The following CERK variants were observed in gnomAD, a reference collection of about 807,000 sequenced individuals.
CERK encodes the protein ceramide kinase.
Under a neutral mutation model 63.4 loss-of-function variants are expected in CERK, and 39 were observed. The observed-to-expected ratio is 0.61, with a 90% CI of 0.48 to 0.80. The LOEUF (loss-of-function observed/expected upper bound fraction) is 0.80. CERK is among the 30% of genes least tolerant of loss of function. The probability of loss-of-function intolerance (pLI) is 0.00; values close to 1 mark genes in which losing one functional copy is unlikely to be tolerated. For synonymous variants in CERK, 302 were observed against 280.0 expected, an observed-to-expected ratio of 1.08 and a Z score of -0.78; for missense variants, 670 against 714.1, an observed-to-expected ratio of 0.94 and a Z score of 0.70.
At chr22:46,719,277 T>C (rs2082880940) in intron 3 of CERK, among the ~76,000 whole-genome samples, 1 of 152,084 alleles carries the variant, frequency 6.6e-6, no homozygotes, top group South Asian at 2.1e-4. Flanking sequence ...ACAGATTATG[T>C]CTCTAGCCAT....
rs552274038 is a variant in CERK at position 46,688,625 on chromosome 22, G to A, written c.1541+1367C>T. Among the ~76,000 whole-genome samples, 589 of 152,372 alleles carry A rather than the reference G, an allele frequency of 3.9e-3. 2 individuals are homozygous for A. Among genetic ancestry groups the A allele is most frequent in the Non-Finnish European group, 6.6e-3 (446 of 68,030 alleles). ...AGCTTTCTTAGAGCCGCAGCTGGCTGGCTGAGGAGTCACTGAAAGTGGGGC... is the reference window on the plus strand; with the variant it reads ...AGCTTTCTTAGAGCCGCAGCTGGCTAGCTGAGGAGTCACTGAAAGTGGGGC... On this transcript the variant is annotated intron_variant, in intron 12 of 12. Coordinates refer to ENST00000216264, the MANE Select transcript of CERK (RefSeq NM_022766.6).
chr22:46,699,000 T>C (rs544808217), intron 8 of CERK, among the ~76,000 whole-genome samples: 1 of 152,302 alleles, frequency 6.6e-6, no homozygotes, highest in Non-Finnish European at 1.5e-5. Flanking sequence ...GCCTACCAGA[T>C]GTGAGAGGCT....
At chr22:46,705,827 G>C (rs1350137981) in intron 6 of CERK, among the ~76,000 whole-genome samples, 1 of 151,912 alleles carries the variant, frequency 6.6e-6, no homozygotes, top group Non-Finnish European at 1.5e-5. Context: ...GAGTCCAGGA[G>C]TTTGAGACCA....
chr22:46,689,877 A>T, intron 12 of CERK, 115 bp downstream of exon 12: 1 of 657,986 alleles, frequency 1.5e-6, no homozygotes, highest in South Asian at 2.0e-5. Context: ...AAACATTCTT[A>T]CGTTTTGTGT....
rs138873341 is a variant in CERK, at chr22:46,713,520, A to C, written c.380-1227T>G. Among the ~76,000 whole-genome samples, 620 of 150,904 alleles carry C rather than the reference A, an allele frequency of 4.1e-3. 16 individuals carry two copies. The highest frequency in any genetic ancestry group is 0.033 in the Admixed American group (503 of 15,070). ...TGAGACTTCATCTCAAAAAAAAAAA[A>C]AAAAAAAAACAAACAAACAAAAAAA... On this transcript the variant is annotated intron_variant, in intron 3 of 12. Coordinates refer to ENST00000216264, the MANE Select transcript of CERK (RefSeq NM_022766.6).
Position 46,693,506 on chromosome 22 carries a change from G to GA in CERK, c.1050-4dup, listed in dbSNP as rs1214925776. The GA allele has an allele frequency of 6.2e-7, 1 of 1,613,376 alleles. No individual in the cohort carries two copies. Among genetic ancestry groups the GA allele is most frequent in the Non-Finnish European group, 8.5e-7 (1 of 1,179,348 alleles). ...TGCTTTGCCTGCAAACAAAGCATCT[G>GA]AAAGACAAGAATATCATCACCTTTT... On this transcript the variant is annotated splice_polypyrimidine_tract_variant and splice_region_variant and intron_variant, in intron 9 of 12. Transcript: ENST00000216264.
rs1409833510 is a variant in CERK, at chr22:46,721,025, C to T, written c.143-10G>A. 1.9e-6 allele frequency: 3 copies of T among 1,549,556 alleles called. No homozygotes were observed. The highest frequency in any genetic ancestry group is 1.4e-5 in the African/African-American group (1 of 73,550). On this transcript the variant is annotated splice_polypyrimidine_tract_variant and intron_variant, in intron 1 of 12. Transcript: ENST00000216264. ...GGCACAGAGCAGGCATCTGTAAAAA[C>T]ACCACGTCCTTCTGTCAAAGAATTC... is the stretch of plus-strand genomic sequence containing the variant.
rs1485481241 is a variant in CERK, at chr22:46,685,349, G to A, written c.*1785C>T. The stretch of plus-strand genomic sequence containing the variant: ...GCCTCCCAAAGTGCTGGGATTACAG[G>A]CGTGAGCCACCGCGCCCAGCCGGGA... On this transcript the variant is annotated 3_prime_UTR_variant, in exon 13 of 13. Coordinates refer to ENST00000216264, the MANE Select transcript of CERK (RefSeq NM_022766.6). 6.6e-6 allele frequency: 1 copy of A among 152,434 alleles called. No homozygotes were observed. Among genetic ancestry groups the A allele is most frequent in the Non-Finnish European group, 1.5e-5 (1 of 68,202 alleles). 9.4% of individuals were successfully genotyped at this position (152,434 alleles called of 1,614,324 possible).
chr22:46,689,401 C>T (rs191148121), intron 12 of CERK, among the ~76,000 whole-genome samples: 2 of 152,340 alleles, frequency 1.3e-5, no homozygotes, highest in Non-Finnish European at 2.9e-5. Flanking sequence ...GATGGAGTCT[C>T]GCTCTGTCAC....
chr22:46,731,315 A>G (rs1174877332), intron 1 of CERK, among the ~76,000 whole-genome samples: 2 of 152,150 alleles, frequency 1.3e-5, no homozygotes, highest in Non-Finnish European at 2.9e-5. Flanking sequence ...CTGTTAGGGG[A>G]GTGCATGTGG....
intron 3 of CERK, among the ~76,000 whole-genome samples, chr22:46,713,759 C>T (rs1387253938): frequency 1.3e-5 from 2 of 152,144 alleles, no homozygotes; most frequent in East Asian, 1.9e-4. Context: ...CAGGAGCACA[C>T]GTAAAACTTC....
At chr22:46,737,654 C>T (rs1239325134) in intron 1 of CERK, among the ~76,000 whole-genome samples, 3 of 152,010 alleles carry the variant, frequency 2.0e-5, no homozygotes, top group Admixed American at 6.5e-5. Flanking sequence ...CACCCCCCCT[C>T]GGGATCCATC....
At chr22:46,688,094 A>G (rs1313469673) in intron 12 of CERK, among the ~76,000 whole-genome samples, 1 of 152,154 alleles carries the variant, frequency 6.6e-6, no homozygotes, top group Non-Finnish European at 1.5e-5. Context: ...AGGCTGAGGC[A>G]GGAGAATTGC....
At position 46,690,080 on chromosome 22, in the gene CERK, T is replaced by C. The variant is rs754397054; in HGVS notation, c.1453A>G (p.Ser485Gly). The change falls in exon 12 of 13, where the codon AGC (serine) becomes GGC (glycine). Residue 485 changes from serine to glycine, a missense_variant. Ser to Gly is a moderately conservative substitution (Grantham distance 56, BLOSUM62 0). Transcript: ENST00000216264. Reference protein sequence around the residue: ...GGKKRFGHICSSHPSCCCTVS... With the variant: ...GGKKRFGHICGSHPSCCCTVS... ...GTGCAGCAGCAGGAGGGGTGGCTGC[T>C]GCAAATGTGCCCAAAGCGCTTCTTC... is the stretch of plus-strand genomic sequence containing the variant. The C allele has an allele frequency of 5.6e-6, 9 of 1,613,864 alleles. 1 individual carries two copies. In the Admixed American group the frequency reaches 1.5e-4, roughly 27 times the overall value.
chr22:46,730,704 G>A (rs1194621667), intron 1 of CERK, among the ~76,000 whole-genome samples: 4 of 152,170 alleles, frequency 2.6e-5, no homozygotes, highest in Non-Finnish European at 5.9e-5. Context: ...AGCCCTGGAC[G>A]TCACACATGA....
intron 5 of CERK, 22 bp from the exon 6 acceptor site, chr22:46,708,010 T>A (rs1243764649): frequency 6.3e-7 from 1 of 1,584,422 alleles, no homozygotes; most frequent in South Asian, 1.1e-5. Context: ...ACACAGCCGG[T>A]CAGGGCTCCT....
chr22:46,733,170 T>A (rs2082954267), intron 1 of CERK, among the ~76,000 whole-genome samples: 1 of 127,278 alleles, frequency 7.9e-6, no homozygotes, highest in South Asian at 2.7e-4. Context: ...ATCACGCCAC[T>A]GCACTCCAGC....
chr22:46,691,462 C>A, intron 11 of CERK, 110 bp downstream of exon 11: 2 of 915,652 alleles, frequency 2.2e-6, no homozygotes, highest in Non-Finnish European at 3.2e-6. Flanking sequence ...AAAAAGTTTG[C>A]CCTTCCTTCC....
At chr22:46,726,025 C>A (rs2082916369) in intron 1 of CERK, among the ~76,000 whole-genome samples, 1 of 152,246 alleles carries the variant, frequency 6.6e-6, no homozygotes, top group Non-Finnish European at 1.5e-5. Flanking sequence ...CCGGATTAAA[C>A]TGAGCCACGC....
Sources: allele counts gnomAD v4.1 joint callset (sites outside exome capture counted in the v4.1 genomes callset), GRCh38; gene constraint gnomAD v4.1.1; transcripts MANE v1.5; gene names NCBI Gene and HGNC (gene_info 2026-07-23, HGNC 2026-07-21).